Variants in DOCK1 observed in about 807,000 individuals in gnomAD.
DOCK1 encodes dedicator of cytokinesis 1.
DOCK1 carries 138 observed loss-of-function variants against 262.7 expected under a neutral mutation model. The ratio of observed to expected loss-of-function variants is 0.53; its 90% CI spans 0.46 to 0.61. The LOEUF is 0.61. Among genes scored for constraint, DOCK1 ranks in the 20% least tolerant of loss-of-function variants. The pLI, the probability that DOCK1 is intolerant of heterozygous loss-of-function variation, is 0.00. For synonymous variants in DOCK1, 866 were observed against 867.4 expected (o/e 1.00, Z 0.03); for missense variants, 1,908 against 2,370.7 (o/e 0.80, Z 4.05).
chr10:127,167,888 C>T (rs549624497), intron 27 of DOCK1, among the ~76,000 whole-genome samples: 1 of 152,278 alleles, frequency 6.6e-6, no homozygotes, highest in South Asian at 2.1e-4. Flanking sequence ...AAGCTCCTCC[C>T]CTGGCTTCAC....
intron 27 of DOCK1, among the ~76,000 whole-genome samples, chr10:127,143,204 T>C (rs1344723346): frequency 6.6e-6 from 1 of 152,210 alleles, no homozygotes. Context: ...CAGTCGTCCA[T>C]GTGTAACAGT....
At chr10:127,254,206 C>G (rs766480350) in intron 28 of DOCK1, among the ~76,000 whole-genome samples, 2 of 152,122 alleles carry the variant, frequency 1.3e-5, no homozygotes, top group East Asian at 3.8e-4. Flanking sequence ...TTTAATCTTT[C>G]TTTTTCTAAA....
At chr10:127,406,584 T>C (rs1020787150) in intron 40 of DOCK1, among the ~76,000 whole-genome samples, 7 of 152,222 alleles carry the variant, frequency 4.6e-5, no homozygotes, top group Non-Finnish European at 7.3e-5. Context: ...CATGCCCTGC[T>C]GGAGAGGAGC....
At chr10:127,297,817 T>C (rs1356313683) in intron 29 of DOCK1, among the ~76,000 whole-genome samples, 2 of 152,138 alleles carry the variant, frequency 1.3e-5, no homozygotes, top group South Asian at 2.1e-4. Flanking sequence ...CAGAAAGTGA[T>C]GACAGCTTGG....
At chr10:127,387,909 A>G (rs2066226696) in intron 38 of DOCK1, among the ~76,000 whole-genome samples, 1 of 149,978 alleles carries the variant, frequency 6.7e-6, no homozygotes. Context: ...ACATTGTGAT[A>G]GTTCATCAAA....
At chr10:126,935,054 G>A (rs1463275313) in intron 1 of DOCK1, among the ~76,000 whole-genome samples, 1 of 152,174 alleles carries the variant, frequency 6.6e-6, no homozygotes, top group Non-Finnish European at 1.5e-5. Context: ...AGCTTGCAGT[G>A]AGCGGATCAC....
chr10:126,923,268 A>G (rs745994636), intron 1 of DOCK1, among the ~76,000 whole-genome samples: 9 of 152,214 alleles, frequency 5.9e-5, no homozygotes, highest in Non-Finnish European at 1.3e-4. Context: ...TTATTTTTGT[A>G]ATAATATTGT....
intron 23 of DOCK1, among the ~76,000 whole-genome samples, chr10:127,093,771 A>G (rs903859930): frequency 3.6e-4 from 54 of 152,106 alleles, no homozygotes; most frequent in African/African-American, 1.2e-3. Flanking sequence ...CAGGCACCAG[A>G]ATGTCCTAGT....
rs1207246768 is a variant in DOCK1 at position 127,444,266 on chromosome 10, C to T, written c.5400C>T (p.Phe1800=). Residue 1800 remains phenylalanine (F), a synonymous_variant, in exon 50 of 52, where the codon TTC becomes TTT. Transcript: ENST00000623213. ...PPVTPRAKLS[F]SMQSSLELNG... is the part of the protein sequence containing the mutation. ...TTACACCAAGGGCCAAGCTCAGCTT[C>T]AGCATGCAGTCGAGTAAGTGGAACG... 6.8e-6 allele frequency: 11 copies of T among 1,608,476 alleles called. No homozygotes were observed. Among genetic ancestry groups the T allele is most frequent in the African/African-American group, 1.3e-5 (1 of 74,488 alleles).
At chr10:127,421,124 GGC>G (rs1197858789) in intron 46 of DOCK1, among the ~76,000 whole-genome samples, 2 of 152,014 alleles carry the variant, frequency 1.3e-5, no homozygotes, top group African/African-American at 4.8e-5. Context: ...TTGCCATGTT[GGC>G]CAGGCTGGTC....
intron 39 of DOCK1, among the ~76,000 whole-genome samples, chr10:127,403,560 C>A (rs1202404807): frequency 6.6e-6 from 1 of 152,178 alleles, no homozygotes; most frequent in African/African-American, 2.4e-5. Context: ...GAGATCAAGA[C>A]CATCCTGGCT....
chr10:127,333,399 G>C (rs78713019), intron 29 of DOCK1, among the ~76,000 whole-genome samples: 3,038 of 152,302 alleles, frequency 0.02, 100 homozygotes, highest in African/African-American at 0.07. Context: ...AGGGGTGCTA[G>C]AAGGGCCTGA....
At chr10:127,158,894 T>G (rs998587723) in intron 27 of DOCK1, among the ~76,000 whole-genome samples, 3 of 152,080 alleles carry the variant, frequency 2.0e-5, no homozygotes, top group African/African-American at 7.3e-5. Context: ...AGCTCTCTTT[T>G]TTTGGTGCTT....
intron 23 of DOCK1, among the ~76,000 whole-genome samples, chr10:127,074,546 T>A (rs1184404210): frequency 6.6e-6 from 1 of 152,172 alleles, no homozygotes; most frequent in Non-Finnish European, 1.5e-5. Context: ...CCTTGGGAAA[T>A]CCTATACATT....
intron 47 of DOCK1, among the ~76,000 whole-genome samples, chr10:127,431,447 C>T (rs2069284223): frequency 6.6e-6 from 1 of 152,230 alleles, no homozygotes; most frequent in Non-Finnish European, 1.5e-5. Flanking sequence ...TCAACCAAGA[C>T]CTGAGGTCAC....
At chr10:127,324,732 C>T (rs1272812125) in intron 29 of DOCK1, among the ~76,000 whole-genome samples, 1 of 152,096 alleles carries the variant, frequency 6.6e-6, no homozygotes, top group African/African-American at 2.4e-5. Context: ...CAAAGTCAGC[C>T]ACACACACAG....
intron 1 of DOCK1, among the ~76,000 whole-genome samples, chr10:126,936,680 AAATCAGAG>A (rs1430857006): frequency 6.6e-6 from 1 of 152,202 alleles, no homozygotes; most frequent in Non-Finnish European, 1.5e-5. Flanking sequence ...CATTAGTGTA[AAATCAGAG>A]AAAAATGATC....
At chr10:126,969,368 A>G (rs1326449692) in intron 1 of DOCK1, among the ~76,000 whole-genome samples, 2 of 152,200 alleles carry the variant, frequency 1.3e-5, no homozygotes, top group Non-Finnish European at 2.9e-5. Flanking sequence ...TGGACTTTAC[A>G]GCCTGAGGTG....
chr10:127,186,495 A>C (rs2056243023), intron 27 of DOCK1, among the ~76,000 whole-genome samples: 2 of 99,288 alleles, frequency 2.0e-5, no homozygotes, highest in African/African-American at 7.6e-5. Context: ...TGATAACAGC[A>C]TGGGAGAAAC....
Sources: allele counts gnomAD v4.1 joint callset (sites outside exome capture counted in the v4.1 genomes callset), GRCh38; gene constraint gnomAD v4.1.1; transcripts MANE v1.5; gene names NCBI Gene and HGNC (gene_info 2026-07-23, HGNC 2026-07-21).